Variants in RIN2 observed in about 807,000 individuals in gnomAD.
RIN2 encodes Ras and Rab interactor 2.
In RIN2, 36 loss-of-function variants were observed where a neutral mutation model predicts 78.0. That is an observed-to-expected ratio of 0.46 (90% CI 0.35 to 0.61). The LOEUF is 0.61. Ranked by LOEUF, RIN2 falls within the 20% of genes least tolerant of loss-of-function variation. The pLI, the probability that RIN2 is intolerant of heterozygous loss-of-function variation, is 0.00. For missense variants in RIN2, 1,087 were observed against 1,159.7 expected (o/e 0.94, Z 0.91); for synonymous variants, 466 against 466.8 (o/e 1.00, Z 0.02).
At chr20:19,956,851 T>G (rs1430344729) in intron 5 of RIN2, 44 bp downstream of exon 5, 10 of 1,450,328 alleles carry the variant, frequency 6.9e-6, no homozygotes, top group Non-Finnish European at 9.2e-6. Flanking sequence ...CAGGCAGGAC[T>G]GCTGCCGGCT....
At chr20:19,794,975 T>C (rs1252681152) in intron 1 of RIN2, among the ~76,000 whole-genome samples, 1 of 152,240 alleles carries the variant, frequency 6.6e-6, no homozygotes, top group Non-Finnish European at 1.5e-5. Flanking sequence ...AGAGAAACTC[T>C]AGTTTGTTGA....
chr20:19,764,918 G>GTTTTTTGT (rs2033806296), intron 1 of RIN2, among the ~76,000 whole-genome samples: 6 of 50,364 alleles, frequency 1.2e-4, no homozygotes, highest in African/African-American at 3.9e-4. Flanking sequence ...CACTTTCTGC[G>GTTTTTTGT]TTTTTTTTTT....
chr20:19,974,674 G>T lies in RIN2; in HGVS notation c.649G>T (p.Asp217Tyr). ...MGLNFWSSPADSKPPNLPPPH... is the reference protein window; with the variant it reads ...MGLNFWSSPAYSKPPNLPPPH... ...TTCAGATTTCTGGAGCTCCCCAGCTGACAGCAAACCCCCGAACCTTCCACC... is the reference window on the plus strand; with the variant it reads ...TTCAGATTTCTGGAGCTCCCCAGCTTACAGCAAACCCCCGAACCTTCCACC... The change falls in exon 9 of 13, where the codon GAC becomes TAC. Residue 217 changes from aspartate (D) to tyrosine (Y), a missense_variant. This residue lies in a region of RIN2 where 706 missense variants were observed against 667.5 expected (regional missense o/e 1.06). Transcript: ENST00000255006. 1 of 1,612,698 alleles carries T rather than the reference G, an allele frequency of 6.2e-7. No individual in the cohort carries two copies. Among genetic ancestry groups the T allele is most frequent in the Non-Finnish European group, 8.5e-7 (1 of 1,178,890 alleles).
chr20:19,921,160 T>C (rs915522342), intron 3 of RIN2, among the ~76,000 whole-genome samples: 2 of 152,208 alleles, frequency 1.3e-5, no homozygotes, highest in African/African-American at 4.8e-5. Flanking sequence ...TTTGATCTCT[T>C]TTGTATGTTG....
chr20:19,821,423 T>C (rs1023139625), intron 2 of RIN2, among the ~76,000 whole-genome samples: 5 of 152,142 alleles, frequency 3.3e-5, no homozygotes, highest in Admixed American at 2.6e-4. Context: ...CCCTACCTGC[T>C]TGGCCATCCA....
At chr20:19,847,501 G>A (rs577276773) in intron 2 of RIN2, among the ~76,000 whole-genome samples, 1 of 152,288 alleles carries the variant, frequency 6.6e-6, no homozygotes, top group East Asian at 1.9e-4. Context: ...GGGTAGAGGT[G>A]CTGCCACTTC....
At chr20:19,982,186 A>G (rs997181816) in intron 9 of RIN2, among the ~76,000 whole-genome samples, 28 of 152,306 alleles carry the variant, frequency 1.8e-4, no homozygotes, top group African/African-American at 6.3e-4. Flanking sequence ...TGTCAGATGC[A>G]TACAATTGCT....
chr20:19,807,630 TCAAATGATCAG>T (rs1181396234), intron 2 of RIN2, among the ~76,000 whole-genome samples: 2 of 152,188 alleles, frequency 1.3e-5, no homozygotes, highest in African/African-American at 4.8e-5. Flanking sequence ...AGCAGCTGCC[TCAAATGATCAG>T]ACTTGGATTC....
At chr20:19,846,395 C>T (rs1230106874) in intron 2 of RIN2, among the ~76,000 whole-genome samples, 1 of 152,022 alleles carries the variant, frequency 6.6e-6, no homozygotes, top group Non-Finnish European at 1.5e-5. Flanking sequence ...GTGTCCCCCT[C>T]TTATTTCCTT....
At chr20:19,904,022 G>A (rs576941131) in intron 3 of RIN2, among the ~76,000 whole-genome samples, 5 of 151,966 alleles carry the variant, frequency 3.3e-5, no homozygotes, top group South Asian at 2.1e-4. Context: ...AGGCCGAGGC[G>A]GGTAGATCAC....
In RIN2 at chr20:19,990,572, A is replaced by G. The variant is rs2042768140; in HGVS notation, c.2068+261A>G. Among the ~76,000 whole-genome samples the G allele has an allele frequency of 2.0e-5, 3 of 152,212 alleles. No homozygotes were observed. The South Asian group carries it at 6.2e-4, about 32-fold the overall frequency. On this transcript the variant is annotated intron_variant, in intron 10 of 12. Coordinates refer to ENST00000255006, the MANE Select transcript of RIN2 (RefSeq NM_018993.4). Reference sequence around the variant, plus strand: ...AAGATTTAGTTCAGAGTATGGTTACAAATTCAGTCTCTGGAGTCTGAGTTC... The same window carrying G: ...AAGATTTAGTTCAGAGTATGGTTACGAATTCAGTCTCTGGAGTCTGAGTTC...
chr20:19,826,975 G>GTTT lies in RIN2; in HGVS notation c.-37+27243_-37+27245dup, dbSNP rs11482314. On this transcript the variant is annotated intron_variant, in intron 2 of 12. Transcript: ENST00000255006. ...GGTTTTTCTATTCGTTTGGTTTTGG[G>GTTT]TTTTTTTTTTTTTTTTTGAGACAGA... is the stretch of plus-strand genomic sequence containing the variant. Among the ~76,000 whole-genome samples, 873 of 128,620 alleles carry GTTT rather than the reference G, an allele frequency of 6.8e-3. 16 individuals carry two copies. The highest frequency in any genetic ancestry group is 0.023 in the African/African-American group (760 of 33,592). 84.4% of individuals were successfully genotyped at this position (128,620 alleles called of 152,430 possible). A position where few individuals can be genotyped will look rare whatever the true frequency, so the allele number is the denominator to read the frequency against.
intron 1 of RIN2, among the ~76,000 whole-genome samples, chr20:19,766,038 CCCTCAGT>C (rs1360439975): frequency 2.6e-5 from 4 of 152,074 alleles, no homozygotes; most frequent in Non-Finnish European, 4.4e-5. Flanking sequence ...GCTTCTTATC[CCCTCAGT>C]CCTGTGAGGT....
chr20:19,807,063 C>T lies in RIN2; in HGVS notation c.-37+7316C>T, dbSNP rs373506412. Among the ~76,000 whole-genome samples the T allele has an allele frequency of 1.5e-4, 23 of 152,290 alleles. 1 individual carries two copies. In the East Asian group the frequency reaches 2.5e-3, roughly 17 times the overall value. ...AGCAACACTTAGCACACGCTAAGTC[C>T]AGGTTGGTGGGCATGGCTACCTGAG... is the stretch of plus-strand genomic sequence containing the variant. On this transcript the variant is annotated intron_variant, in intron 2 of 12. Coordinates refer to ENST00000255006, the MANE Select transcript of RIN2 (RefSeq NM_018993.4).
intron 1 of RIN2, among the ~76,000 whole-genome samples, chr20:19,789,274 G>C (rs1010038201): frequency 2.0e-5 from 3 of 152,178 alleles, no homozygotes; most frequent in African/African-American, 7.2e-5. Context: ...TTTTATGATG[G>C]ATCATAGGCT....
intron 2 of RIN2, among the ~76,000 whole-genome samples, chr20:19,854,051 T>C (rs977266112): frequency 6.6e-6 from 1 of 152,238 alleles, no homozygotes; most frequent in Non-Finnish European, 1.5e-5. Context: ...TGAATTAATT[T>C]TTGTATAAGG....
At position 19,758,520 on chromosome 20, in the gene RIN2, G is replaced by A. The variant is rs371135216; in HGVS notation, c.-163+193G>A. On this transcript the variant is annotated intron_variant, in intron 1 of 12. Coordinates refer to ENST00000255006, the MANE Select transcript of RIN2 (RefSeq NM_018993.4). ...TCGGGGATCGTGGGGAACGGAAGGG[G>A]GAAGGGGGATCAGGGAGTGGGGACA... 2.8e-4 allele frequency among the ~76,000 whole-genome samples: 43 copies of A among 152,316 alleles called. No individual in the cohort carries two copies. In the East Asian group the frequency reaches 7.4e-3, roughly 26 times the overall value.
At chr20:19,789,396 G>A (rs1176329505) in intron 1 of RIN2, among the ~76,000 whole-genome samples, 1 of 152,118 alleles carries the variant, frequency 6.6e-6, no homozygotes, top group Non-Finnish European at 1.5e-5. Flanking sequence ...CTTAAGATGT[G>A]TGCACTTTAC....
At chr20:19,786,067 G>A (rs141618161) in intron 1 of RIN2, among the ~76,000 whole-genome samples, 1 of 152,122 alleles carries the variant, frequency 6.6e-6, no homozygotes, top group Non-Finnish European at 1.5e-5. Flanking sequence ...ACTTCAGTCT[G>A]TGGGACAGAT....
Sources: gnomAD v4.1 joint callset for allele counts (sites outside exome capture counted in the v4.1 genomes callset) on GRCh38, gnomAD v4.1.1 for gene constraint, gnomAD v4.1.1 regional missense constraint, MANE v1.5 for transcripts, NCBI Gene and HGNC (gene_info 2026-07-23, HGNC 2026-07-21) for gene names.